NRG3: variants seen among roughly 807,000 people sequenced by gnomAD.
The protein encoded by NRG3 is neuregulin 3, also known as pro-neuregulin-3, membrane-bound isoform.
In NRG3, 31 loss-of-function variants were observed where a neutral mutation model predicts 66.9. The ratio of observed to expected loss-of-function variants is 0.46; its 90% CI spans 0.35 to 0.63. NRG3 has a LOEUF of 0.63. NRG3 is among the 20% of genes least tolerant of loss of function. The probability of loss-of-function intolerance (pLI) is 0.00; values close to 1 mark genes in which losing one functional copy is unlikely to be tolerated. For missense variants in NRG3, 910 were observed against 878.9 expected, an observed-to-expected ratio of 1.04 and a Z score of -0.45; for synonymous variants, 393 against 359.4, an observed-to-expected ratio of 1.09 and a Z score of -1.06.
intron 4 of NRG3, among the ~76,000 whole-genome samples, chr10:82,947,631 G>T (rs1241257028): frequency 3.3e-5 from 5 of 151,974 alleles, no homozygotes; most frequent in Non-Finnish European, 7.4e-5. Context: ...TCTAGCGGGG[G>T]TGCCATATAT....
rs1350357929 is a variant in NRG3, at chr10:82,618,028, G to T, written c.954-120549G>T. On this transcript the variant is annotated intron_variant, in intron 2 of 8. Coordinates refer to ENST00000372141, the MANE Select transcript of NRG3 (RefSeq NM_001010848.4). The stretch of plus-strand genomic sequence containing the variant: ...TCTATGTCCCCTGCCCACCTGGGCT[G>T]TTGGGACTTCTGTGGGTCCACTGCT... Among the ~76,000 whole-genome samples the T allele has an allele frequency of 2.0e-5, 3 of 152,162 alleles. No individual in the cohort carries two copies. In the East Asian group the frequency reaches 5.8e-4, roughly 29 times the overall value.
At chr10:82,560,521 C>T (rs958462218) in intron 2 of NRG3, among the ~76,000 whole-genome samples, 14 of 150,778 alleles carry the variant, frequency 9.3e-5, no homozygotes, top group African/African-American at 3.4e-4. Context: ...TTAAGTGTTC[C>T]TTTATTAATT....
chr10:82,244,496 C>T (rs781106905), intron 1 of NRG3, among the ~76,000 whole-genome samples: 27 of 152,132 alleles, frequency 1.8e-4, no homozygotes, highest in Admixed American at 1.1e-3. Context: ...AAAATAAGGA[C>T]GATGGAATAG....
intron 2 of NRG3, among the ~76,000 whole-genome samples, chr10:82,411,281 A>G (rs2088065620): frequency 6.6e-6 from 1 of 152,130 alleles, no homozygotes; most frequent in Non-Finnish European, 1.5e-5. Context: ...GAGGAGAAAA[A>G]GAAGGAGGAA....
chr10:82,096,040 C>T (rs947906680), intron 1 of NRG3, among the ~76,000 whole-genome samples: 42 of 151,796 alleles, frequency 2.8e-4, no homozygotes, highest in African/African-American at 9.4e-4. Flanking sequence ...ATTGGCAAGA[C>T]GAAAAGGAAC....
chr10:82,538,571 A>G lies in NRG3; in HGVS notation c.953+179703A>G, dbSNP rs544018870. On this transcript the variant is annotated intron_variant, in intron 2 of 8. Transcript: ENST00000372141. ...GTGTGTAGGAGTACTTGATTGTTCC[A>G]TTTATTGCAATCTATGTTCCATACC... Among the ~76,000 whole-genome samples, 127 of 152,112 alleles carry G rather than the reference A, an allele frequency of 8.3e-4. 1 individual carries two copies. Among genetic ancestry groups the G allele is most frequent in the Non-Finnish European group, 2.1e-4 (14 of 68,002 alleles).
At chr10:82,936,607 A>C (rs1317745594) in intron 4 of NRG3, among the ~76,000 whole-genome samples, 1 of 152,188 alleles carries the variant, frequency 6.6e-6, no homozygotes, top group Non-Finnish European at 1.5e-5. Context: ...GTGTATATTC[A>C]GTCTTTTCCC....
chr10:82,073,267 A>G (rs1564791087), intron 1 of NRG3, among the ~76,000 whole-genome samples: 2 of 152,186 alleles, frequency 1.3e-5, no homozygotes, highest in Admixed American at 6.5e-5. Flanking sequence ...ACTACCTGAA[A>G]ATATTAGGAA....
chr10:82,735,920 TA>T (rs942112590), intron 2 of NRG3, among the ~76,000 whole-genome samples: 2 of 111,046 alleles, frequency 1.8e-5, no homozygotes, highest in Admixed American at 9.9e-5. Context: ...CTTAAAATAA[TA>T]AAAAAAAGAA....
At chr10:82,933,939 C>CCA in intron 4 of NRG3, among the ~76,000 whole-genome samples, 1 of 152,154 alleles carries the variant, frequency 6.6e-6, no homozygotes, top group Admixed American at 6.6e-5. Flanking sequence ...AGATAATGGT[C>CCA]TTGAGTATGG....
chr10:82,118,980 C>A (rs1478641923), intron 1 of NRG3, among the ~76,000 whole-genome samples: 5 of 152,102 alleles, frequency 3.3e-5, no homozygotes, highest in African/African-American at 4.8e-5. Context: ...GAGTGTCCTG[C>A]TTAAAGGCAA....
intron 2 of NRG3, among the ~76,000 whole-genome samples, chr10:82,610,121 T>C (rs998042992): frequency 6.6e-6 from 1 of 152,178 alleles, no homozygotes; most frequent in African/African-American, 2.4e-5. Flanking sequence ...CGAGGGCCCC[T>C]GTATTCCATG....
chr10:82,952,457 C>CTT (rs1422402555), intron 5 of NRG3, among the ~76,000 whole-genome samples: 1 of 30,106 alleles, frequency 3.3e-5, no homozygotes, highest in Non-Finnish European at 6.6e-5. Context: ...ATAAACGTCT[C>CTT]TCTCTCTCTC....
chr10:82,319,363 A>G (rs2135109947), intron 1 of NRG3, among the ~76,000 whole-genome samples: 1 of 152,328 alleles, frequency 6.6e-6, no homozygotes, highest in South Asian at 2.1e-4. Flanking sequence ...TTATATGAAA[A>G]TACCACTGTG....
intron 4 of NRG3, among the ~76,000 whole-genome samples, chr10:82,903,024 T>C (rs548570678): frequency 6.6e-6 from 1 of 152,114 alleles, no homozygotes; most frequent in Non-Finnish European, 1.5e-5. Flanking sequence ...TACTAGCCTA[T>C]TTCATCATTA....
At chr10:82,917,532 G>A (rs1845958048) in intron 4 of NRG3, among the ~76,000 whole-genome samples, 1 of 152,008 alleles carries the variant, frequency 6.6e-6, no homozygotes, top group Admixed American at 6.5e-5. Context: ...TGTATAACTG[G>A]GCCCTCTAGC....
intron 3 of NRG3, among the ~76,000 whole-genome samples, chr10:82,850,566 G>A (rs939400458): frequency 3.9e-5 from 6 of 152,134 alleles, no homozygotes; most frequent in Admixed American, 3.9e-4. Context: ...AATATCAAAT[G>A]CTGGTAGCAA....
At chr10:82,679,749 A>T (rs1565195561) in intron 2 of NRG3, among the ~76,000 whole-genome samples, 1 of 152,190 alleles carries the variant, frequency 6.6e-6, no homozygotes, top group African/African-American at 2.4e-5. Context: ...TGCAGACAAA[A>T]TAATTACGAA....
At chr10:82,060,007 C>T (rs902873489) in intron 1 of NRG3, among the ~76,000 whole-genome samples, 1 of 152,210 alleles carries the variant, frequency 6.6e-6, no homozygotes, top group Non-Finnish European at 1.5e-5. Flanking sequence ...CTGCTCTAAA[C>T]TTCTGTTTCC....
Sources: gnomAD v4.1 joint callset for allele counts (sites outside exome capture counted in the v4.1 genomes callset) on GRCh38, gnomAD v4.1.1 for gene constraint, MANE v1.5 for transcripts, NCBI Gene and HGNC (gene_info 2026-07-23, HGNC 2026-07-21) for gene names.